The following STON2 variants were observed in gnomAD, a reference collection of about 807,000 sequenced individuals.
The protein encoded by STON2 is stonin-2.
STON2 carries 29 observed loss-of-function variants against 65.7 expected under a neutral mutation model. The observed-to-expected ratio is 0.44, with a 90% CI of 0.33 to 0.60. The LOEUF (loss-of-function observed/expected upper bound fraction) is 0.60, where lower values mean the gene tolerates loss of function less well. Ranked by LOEUF, STON2 falls within the 20% of genes least tolerant of loss-of-function variation. The probability of loss-of-function intolerance (pLI) is 0.03; values close to 1 mark genes in which losing one functional copy is unlikely to be tolerated. For missense variants in STON2, 1,054 were observed against 1,118.1 expected (o/e 0.94, Z 0.82); for synonymous variants, 404 against 414.2 (o/e 0.98, Z 0.30).
At chr14:81,319,765 G>A (rs1484935251) in intron 5 of STON2, among the ~76,000 whole-genome samples, 1 of 152,176 alleles carries the variant, frequency 6.6e-6, no homozygotes, top group Non-Finnish European at 1.5e-5. Flanking sequence ...CTAGGCATCT[G>A]TGTTAAAAAT....
At chr14:81,303,375 C>T (rs978135155) in intron 5 of STON2, among the ~76,000 whole-genome samples, 1 of 152,156 alleles carries the variant, frequency 6.6e-6, no homozygotes, top group African/African-American at 2.4e-5. Context: ...ATTGTGCACA[C>T]TTGCAGGTGT....
At chr14:81,392,812 G>T (rs1900143188) in intron 3 of STON2, among the ~76,000 whole-genome samples, 1 of 151,952 alleles carries the variant, frequency 6.6e-6, no homozygotes, top group African/African-American at 2.4e-5. Flanking sequence ...ACAATTTTAA[G>T]AAATTAATAA....
chr14:81,332,588 C>G (rs561770005), intron 4 of STON2, among the ~76,000 whole-genome samples: 1 of 152,332 alleles, frequency 6.6e-6, no homozygotes, highest in South Asian at 2.1e-4. Flanking sequence ...CTTGAACTTA[C>G]TGTCATCTAC....
intron 1 of STON2, among the ~76,000 whole-genome samples, chr14:81,427,602 A>C (rs1466165484): frequency 1.3e-5 from 2 of 152,098 alleles, no homozygotes; most frequent in Non-Finnish European, 2.9e-5. Flanking sequence ...GCCTATGCCA[A>C]TTAGGTTGAT....
chr14:81,435,673 A>G (rs993695733), intron 1 of STON2, among the ~76,000 whole-genome samples: 2 of 151,192 alleles, frequency 1.3e-5, no homozygotes, highest in Non-Finnish European at 2.9e-5. Flanking sequence ...ACGGACGCGC[A>G]CACACACGCA....
chr14:81,290,882 A>T lies in STON2; in HGVS notation c.743-12143T>A, dbSNP rs541349138. On this transcript the variant is annotated intron_variant, in intron 5 of 7. Coordinates refer to ENST00000614646, the MANE Select transcript of STON2 (RefSeq NM_001394390.1). Reference sequence around the variant, plus strand: ...GACTGATGGTAGATGCAGTTTATAAAAGTGTAAACACATCAAGTTAAGATA... The same window carrying T: ...GACTGATGGTAGATGCAGTTTATAATAGTGTAAACACATCAAGTTAAGATA... 3.3e-5 allele frequency among the ~76,000 whole-genome samples: 5 copies of T among 152,222 alleles called. No homozygotes were observed. The South Asian group carries it at 1.0e-3, about 31-fold the overall frequency.
intron 4 of STON2, among the ~76,000 whole-genome samples, chr14:81,362,655 A>G (rs1386604367): frequency 6.6e-6 from 1 of 152,242 alleles, no homozygotes; most frequent in East Asian, 1.9e-4. Flanking sequence ...TTCTCACCAC[A>G]AAAATAATAA....
chr14:81,376,639 T>C (rs1356059106), intron 3 of STON2, among the ~76,000 whole-genome samples: 1 of 152,164 alleles, frequency 6.6e-6, no homozygotes, highest in Non-Finnish European at 1.5e-5. Context: ...TTAGCATTTG[T>C]AAGGTTAGAC....
At position 81,373,382 on chromosome 14, in the gene STON2, A is replaced by G. The variant is rs577937850; in HGVS notation, c.374-2197T>C. ...GATAAAAATTTTTTATAAACCAACC[A>G]AAAGTAAAAAGCAAAGCCAAATTTA... On this transcript the variant is annotated intron_variant, in intron 3 of 7. Coordinates refer to ENST00000614646, the MANE Select transcript of STON2 (RefSeq NM_001394390.1). Among the ~76,000 whole-genome samples the G allele has an allele frequency of 3.9e-5, 6 of 152,328 alleles. No homozygotes were observed. In the South Asian group the frequency reaches 1.0e-3, roughly 26 times the overall value.
chr14:81,404,540 C>G (rs1465625878), upstream of STON2, among the ~76,000 whole-genome samples: 1 of 152,200 alleles, frequency 6.6e-6, no homozygotes, highest in African/African-American at 2.4e-5. Flanking sequence ...GGATCTCACT[C>G]TTGCTCATGC....
chr14:81,278,364 A>G lies in STON2; in HGVS notation c.1118T>C (p.Leu373Pro). Reference sequence around the variant, plus strand: ...CTGTACATCCTGCAGAGTCTCATTCAGGAAAGGGTTGGTTGCCCTCCAAGG... The same window carrying G: ...CTGTACATCCTGCAGAGTCTCATTCGGGAAAGGGTTGGTTGCCCTCCAAGG... ...ASPWRATNPF[L>P]NETLQDVQPS... The change falls in exon 6 of 8, where the codon CTG becomes CCG. Residue 373 changes from leucine (L) to proline (P), a missense_variant. By Grantham distance (98) the Leu-to-Pro change is moderately conservative. Transcript: ENST00000614646. 1 of 1,614,220 alleles carries G rather than the reference A, an allele frequency of 6.2e-7. No individual in the cohort carries two copies. The highest frequency in any genetic ancestry group is 8.5e-7 in the Non-Finnish European group (1 of 1,180,040).
intron 1 of STON2, 67 bp from the exon 2 acceptor site, chr14:81,398,647 G>A: frequency 3.0e-6 from 1 of 331,574 alleles, no homozygotes; most frequent in Non-Finnish European, 5.5e-6. Flanking sequence ...AATCCACATA[G>A]GTCTAGGGCT....
intron 4 of STON2, among the ~76,000 whole-genome samples, chr14:81,331,704 T>C (rs1897223280): frequency 6.6e-6 from 1 of 152,166 alleles, no homozygotes; most frequent in Admixed American, 6.5e-5. Context: ...GTTGAAGCCG[T>C]TGGACTTGGG....
At chr14:81,340,580 C>T (rs1445671331) in intron 4 of STON2, among the ~76,000 whole-genome samples, 3 of 152,190 alleles carry the variant, frequency 2.0e-5, no homozygotes, top group Non-Finnish European at 4.4e-5. Context: ...AGCTGGACCA[C>T]ATTTTCCAGC....
Position 81,263,759 on chromosome 14 carries a change from G to A in STON2, c.*4655C>T, listed in dbSNP as rs1216028379. The A allele has an allele frequency of 9.1e-6, 9 of 985,164 alleles. No homozygotes were observed. Among genetic ancestry groups the A allele is most frequent in the Non-Finnish European group, 8.4e-6 (7 of 829,824 alleles). The allele number at this position is 985,164 out of a possible 1,614,324, so 61.0% of individuals were successfully genotyped here. Reference sequence around the variant, plus strand: ...TTTAGAAGAGTTAAAGTTACCACTCGAACTGGGAGCATTTCTATAAGCAGG... The same window carrying A: ...TTTAGAAGAGTTAAAGTTACCACTCAAACTGGGAGCATTTCTATAAGCAGG... On this transcript the variant is annotated 3_prime_UTR_variant, in exon 8 of 8. Transcript: ENST00000614646.
intron 2 of STON2, among the ~76,000 whole-genome samples, chr14:81,424,605 G>A (rs911184491): frequency 4.6e-5 from 7 of 151,994 alleles, no homozygotes; most frequent in Non-Finnish European, 1.5e-5. Flanking sequence ...AACTTCTCAG[G>A]GACACTTCCA....
chr14:81,296,394 A>G (rs1353000166), intron 5 of STON2, among the ~76,000 whole-genome samples: 1 of 152,140 alleles, frequency 6.6e-6, no homozygotes, highest in Admixed American at 6.5e-5. Flanking sequence ...TGGGATCAAG[A>G]CTTCTATTTT....
At chr14:81,302,367 T>C (rs958688505) in intron 5 of STON2, among the ~76,000 whole-genome samples, 7 of 152,190 alleles carry the variant, frequency 4.6e-5, no homozygotes, top group Non-Finnish European at 8.8e-5. Flanking sequence ...CTTCCTGTAG[T>C]GATGGAAAGT....
chr14:81,387,088 G>A (rs555139675), intron 3 of STON2, among the ~76,000 whole-genome samples: 55 of 151,880 alleles, frequency 3.6e-4, no homozygotes, highest in African/African-American at 1.3e-3. Context: ...ACATGAGATG[G>A]GTTTAGGTTC....
Sources: allele counts gnomAD v4.1 joint callset (sites outside exome capture counted in the v4.1 genomes callset), GRCh38; gene constraint gnomAD v4.1.1; transcripts MANE v1.5; gene names NCBI Gene and HGNC (gene_info 2026-07-23, HGNC 2026-07-21).